FRMD4A: variants seen among roughly 807,000 people sequenced by gnomAD.
FRMD4A encodes FERM domain containing 4A, also known as FERM domain-containing protein 4A.
In FRMD4A, 29 loss-of-function variants were observed where a neutral mutation model predicts 129.1. That is an observed-to-expected ratio of 0.22 (90% CI 0.17 to 0.31). The LOEUF is 0.31. Ranked by LOEUF, FRMD4A falls within the 10% of genes least tolerant of loss-of-function variation. The pLI is 1.00. For synonymous variants in FRMD4A, 634 were observed against 571.6 expected (o/e 1.11, Z -1.56); for missense variants, 1,272 against 1,375.8 (o/e 0.92, Z 1.19).
rs12412699 is a variant in FRMD4A at position 13,903,061 on chromosome 10, G to A, written c.46-44149C>T. ...GCTCCGGGCACCCTGTTGTCTTTAC[G>A]CTTGTGCTAGCCCCAGGGCCTTTGC... is the stretch of plus-strand genomic sequence containing the variant. On this transcript the variant is annotated intron_variant, in intron 2 of 24. Transcript: ENST00000357447. 3.0e-3 allele frequency among the ~76,000 whole-genome samples: 460 copies of A among 152,062 alleles called. 10 individuals are homozygous for A. Among genetic ancestry groups the A allele is most frequent in the Admixed American group, 0.018 (276 of 15,284 alleles).
intron 8 of FRMD4A, among the ~76,000 whole-genome samples, chr10:13,752,174 T>C (rs547998198): frequency 2.0e-5 from 3 of 152,376 alleles, no homozygotes; most frequent in South Asian, 4.1e-4. Context: ...AGGATAAAAG[T>C]GGTATCAATG....
intron 3 of FRMD4A, among the ~76,000 whole-genome samples, chr10:13,841,357 C>T (rs866341733): frequency 3.2e-4 from 49 of 152,270 alleles, no homozygotes; most frequent in African/African-American, 1.1e-3. Flanking sequence ...TTGTTATTCA[C>T]GAACCCTTTG....
At chr10:13,711,966 G>C (rs770947104) in intron 12 of FRMD4A, 9 of 152,196 alleles carry the variant, frequency 5.9e-5, no homozygotes, top group Non-Finnish European at 1.0e-4. Flanking sequence ...CTAATGGATG[G>C]TTAACTTTAC....
chr10:13,818,758 G>A (rs1366222904), intron 3 of FRMD4A, among the ~76,000 whole-genome samples: 1 of 152,178 alleles, frequency 6.6e-6, no homozygotes, highest in Non-Finnish European at 1.5e-5. Context: ...TCTATATGAA[G>A]TACTTAGAAT....
chr10:13,972,997 G>T (rs140114233), intron 2 of FRMD4A, among the ~76,000 whole-genome samples: 1 of 152,186 alleles, frequency 6.6e-6, no homozygotes, highest in Non-Finnish European at 1.5e-5. Context: ...CTACTGGAGC[G>T]TCCTGGAGTC....
intron 2 of FRMD4A, among the ~76,000 whole-genome samples, chr10:14,192,192 T>C (rs1842339583): frequency 6.6e-6 from 1 of 152,240 alleles, no homozygotes; most frequent in Non-Finnish European, 1.5e-5. Context: ...AAATCATTCT[T>C]TTGGATGGAG....
intron 3 of FRMD4A, among the ~76,000 whole-genome samples, chr10:13,852,800 T>C (rs191099479): frequency 2.8e-3 from 433 of 152,190 alleles, no homozygotes; most frequent in African/African-American, 9.1e-3. Context: ...CACATTTTGC[T>C]CAATGGCCAC....
intron 2 of FRMD4A, among the ~76,000 whole-genome samples, chr10:14,144,019 G>A (rs886865582): frequency 1.8e-4 from 27 of 152,224 alleles, no homozygotes; most frequent in African/African-American, 2.4e-4. Flanking sequence ...TAGTACAAAG[G>A]GGATGGGAGG....
chr10:14,155,063 A>T (rs1840528102), intron 2 of FRMD4A, among the ~76,000 whole-genome samples: 1 of 152,222 alleles, frequency 6.6e-6, no homozygotes, highest in African/African-American at 2.4e-5. Flanking sequence ...AGGCCAAAGC[A>T]AGAGGACTGC....
At chr10:13,681,426 CA>C (rs1444455207) in intron 15 of FRMD4A, among the ~76,000 whole-genome samples, 1 of 152,064 alleles carries the variant, frequency 6.6e-6, no homozygotes, top group African/African-American at 2.4e-5. Context: ...GGCGAGATTT[CA>C]AAGGTTATTG....
intron 2 of FRMD4A, among the ~76,000 whole-genome samples, chr10:14,287,788 C>A (rs1195003618): frequency 6.6e-6 from 1 of 152,204 alleles, no homozygotes; most frequent in African/African-American, 2.4e-5. Flanking sequence ...TAAGACTGCT[C>A]TCTCTGCCAG....
intron 2 of FRMD4A, among the ~76,000 whole-genome samples, chr10:14,054,233 A>G (rs1834399530): frequency 6.6e-6 from 1 of 152,132 alleles, no homozygotes; most frequent in South Asian, 2.1e-4. Context: ...CTCTGAAACA[A>G]ACCACCCTGG....
Position 13,713,852 on chromosome 10 carries a change from T to C in FRMD4A, c.760-6739A>G, listed in dbSNP as rs1355194512. On this transcript the variant is annotated intron_variant, in intron 12 of 24. Transcript: ENST00000357447. ...TACATATATGTAATATATATACACATATATATAATATATATACATATATGT... is the reference window on the plus strand; with the variant it reads ...TACATATATGTAATATATATACACACATATATAATATATATACATATATGT... 4.0e-4 allele frequency among the ~76,000 whole-genome samples: 3 copies of C among 7,418 alleles called. 1 individual carries two copies. Among genetic ancestry groups the C allele is most frequent in the Non-Finnish European group, 6.2e-4 (3 of 4,844 alleles). 4.9% of individuals were successfully genotyped at this position (7,418 alleles called of 152,430 possible).
At chr10:14,105,585 G>A (rs1837545725) in intron 2 of FRMD4A, among the ~76,000 whole-genome samples, 1 of 152,070 alleles carries the variant, frequency 6.6e-6, no homozygotes, top group Admixed American at 6.5e-5. Flanking sequence ...TGACCATAAT[G>A]CCATTCTTAT....
chr10:14,113,248 A>G (rs1364679154), intron 2 of FRMD4A, among the ~76,000 whole-genome samples: 1 of 152,136 alleles, frequency 6.6e-6, no homozygotes, highest in Non-Finnish European at 1.5e-5. Context: ...TTACACGTGA[A>G]TTTTCTTCTG....
At chr10:14,027,916 G>A (rs939628269) in intron 2 of FRMD4A, among the ~76,000 whole-genome samples, 6 of 152,174 alleles carry the variant, frequency 3.9e-5, no homozygotes, top group Non-Finnish European at 5.9e-5. Flanking sequence ...TCATGAATTC[G>A]GATTTTAGTG....
At chr10:13,921,349 C>A (rs1296579489) in intron 2 of FRMD4A, among the ~76,000 whole-genome samples, 1 of 151,026 alleles carries the variant, frequency 6.6e-6, no homozygotes, top group Non-Finnish European at 1.5e-5. Flanking sequence ...GAAGACTTGA[C>A]CTCCTGGCCT....
rs144691503 is a variant in FRMD4A at position 14,154,122 on chromosome 10, G to A, written c.45+175936C>T. ...TGGAAAGTATCTGGCAGTGACGCCC[G>A]ATAGGTTAGGCAGGGAGGTTCTGTC... On this transcript the variant is annotated intron_variant, in intron 2 of 24. Coordinates refer to ENST00000357447, the MANE Select transcript of FRMD4A (RefSeq NM_018027.5). Among the ~76,000 whole-genome samples the A allele has an allele frequency of 2.8e-3, 422 of 152,226 alleles. 3 individuals are homozygous for A. Among genetic ancestry groups the A allele is most frequent in the African/African-American group, 9.8e-3 (406 of 41,538 alleles).
intron 2 of FRMD4A, among the ~76,000 whole-genome samples, chr10:13,883,851 T>C (rs899769682): frequency 1.3e-5 from 2 of 152,190 alleles, no homozygotes; most frequent in Non-Finnish European, 2.9e-5. Flanking sequence ...GCAGATATAA[T>C]GTTCTATAAA....
Sources: allele counts gnomAD v4.1 joint callset (sites outside exome capture counted in the v4.1 genomes callset), GRCh38; gene constraint gnomAD v4.1.1; transcripts MANE v1.5; gene names NCBI Gene and HGNC (gene_info 2026-07-23, HGNC 2026-07-21).